The following FBN3 variants were observed in gnomAD, a reference collection of about 807,000 sequenced individuals.
FBN3 encodes the protein fibrillin-3.
Under a neutral mutation model 330.1 loss-of-function variants are expected in FBN3, and 234 were observed. The ratio of observed to expected loss-of-function variants is 0.71; its 90% CI spans 0.64 to 0.79. The LOEUF is 0.79. FBN3 is among the 30% of genes least tolerant of loss of function. The pLI, the probability that FBN3 is intolerant of heterozygous loss-of-function variation, is 0.00. For missense variants in FBN3, 3,606 were observed against 3,886.9 expected (o/e 0.93, Z 1.92); for synonymous variants, 1,458 against 1,517.3 (o/e 0.96, Z 0.91).
chr19:8,144,998 G>A (rs753426846), intron 5 of FBN3, 26 bp from the exon 6 acceptor site: 2 of 1,583,716 alleles, frequency 1.3e-6, no homozygotes, highest in African/African-American at 1.3e-5. Context: ...GGTGATGGCT[G>A]GAGGTCCCCC....
At position 8,101,803 on chromosome 19, in the gene FBN3, C is replaced by T. The variant is rs1219191557; in HGVS notation, c.5090-831G>A. On this transcript the variant is annotated intron_variant, in intron 40 of 63. Coordinates refer to ENST00000600128, the MANE Select transcript of FBN3 (RefSeq NM_032447.5). ...GTGAATCTTCAAGGGCCTTTCCCAC[C>T]AATGAAAACTCCATTGATCCATCCT... is the stretch of plus-strand genomic sequence containing the variant. Among the ~76,000 whole-genome samples, 3 of 152,218 alleles carry T rather than the reference C, an allele frequency of 2.0e-5. No homozygotes were observed. The East Asian group carries it at 5.8e-4, about 29-fold the overall frequency.
At position 8,147,405 on chromosome 19, in the gene FBN3, T is replaced by A. The variant is rs1462165917; in HGVS notation, c.76A>T (p.Met26Leu). Reference protein sequence around the residue: ...LLLAWSALLCMAGGQGRWDGA... With the variant: ...LLLAWSALLCLAGGQGRWDGA... Reference sequence around the variant, plus strand: ...TCCCAGCGGCCTTGGCCACCTGCCATGCACAACAGGGCCGACCAGGCCAGC... The same window carrying A: ...TCCCAGCGGCCTTGGCCACCTGCCAAGCACAACAGGGCCGACCAGGCCAGC... The change falls in exon 2 of 64, where the codon ATG (methionine) becomes TTG (leucine). Residue 26 changes from methionine to leucine, a missense_variant. Physicochemically the swap from Met to Leu is conservative, Grantham distance 15. Transcript: ENST00000600128. 1 of 1,597,180 alleles carries A rather than the reference T, an allele frequency of 6.3e-7. No homozygotes were observed. The highest frequency in any genetic ancestry group is 8.5e-7 in the Non-Finnish European group (1 of 1,173,294).
At position 8,109,842 on chromosome 19, in the gene FBN3, C is replaced by T; in HGVS notation, c.4334-89G>A. The stretch of plus-strand genomic sequence containing the variant: ...TCATCCTGGGAAGCTACAGCCCTCG[C>T]TCAAGGTCAACTCCTGGGCACCAGA... On this transcript the variant is annotated intron_variant, in intron 34 of 63. Coordinates refer to ENST00000600128, the MANE Select transcript of FBN3 (RefSeq NM_032447.5). The surrounding 1 kb of genome is among the most constrained non-coding windows in gnomAD (Gnocchi z 5.2). The T allele has an allele frequency of 7.3e-7, 1 of 1,374,432 alleles. No homozygotes were observed. The highest frequency in any genetic ancestry group is 1.8e-5 in the South Asian group (1 of 55,904). The allele number at this position is 1,374,432 out of a possible 1,614,324, so 85.1% of individuals were successfully genotyped here. A position where few individuals can be genotyped will look rare whatever the true frequency, so the allele number is the denominator to read the frequency against.
chr19:8,131,831 T>C lies in FBN3; in HGVS notation c.1715-2A>G, dbSNP rs1299067473. On this transcript the variant is annotated splice_acceptor_variant, in intron 14 of 63. Transcript: ENST00000600128. LOFTEE classifies it high-confidence loss of function. The surrounding 1 kb of genome is among the most constrained non-coding windows in gnomAD (Gnocchi z 4.5). Reference sequence around the variant, plus strand: ...CGGGCGTCTGGCACTCGTCAATGTCTGCAGAAGCAGTGGCGGCACGGGGAT... The same window carrying C: ...CGGGCGTCTGGCACTCGTCAATGTCCGCAGAAGCAGTGGCGGCACGGGGAT... The C allele has an allele frequency of 6.3e-7, 1 of 1,581,508 alleles. No homozygotes were observed. The highest frequency in any genetic ancestry group is 1.3e-5 in the African/African-American group (1 of 74,492).
At chr19:8,087,612 T>G (rs1273334018) in intron 53 of FBN3, among the ~76,000 whole-genome samples, 17 of 142,086 alleles carry the variant, frequency 1.2e-4, no homozygotes, top group African/African-American at 4.8e-4. Context: ...TTTTTTTTTT[T>G]TTTTTTTTTT....
intron 50 of FBN3, 47 bp from the exon 51 acceptor site, chr19:8,089,717 C>A: frequency 6.2e-7 from 1 of 1,607,394 alleles, no homozygotes; most frequent in Non-Finnish European, 8.5e-7. Context: ...ACCACACAAT[C>A]GCCAGAGCCC....
intron 31 of FBN3, 46 bp from the exon 32 acceptor site, chr19:8,111,816 T>C: frequency 6.3e-7 from 1 of 1,599,252 alleles, no homozygotes; most frequent in Non-Finnish European, 8.5e-7. Context: ...GTGTGTGCAT[T>C]GGGTGGGCGC....
At position 8,124,016 on chromosome 19, in the gene FBN3, G is replaced by A. The variant is rs780056187; in HGVS notation, c.2732-8C>T. On this transcript the variant is annotated splice_region_variant and splice_polypyrimidine_tract_variant and intron_variant, in intron 22 of 63. Transcript: ENST00000600128. Reference sequence around the variant, plus strand: ...ATGGTTCCAATCTCACATCTGCACGGGGGACAGTCACTGCGTCCCCACCCC... The same window carrying A: ...ATGGTTCCAATCTCACATCTGCACGAGGGACAGTCACTGCGTCCCCACCCC... 1 of 1,610,126 alleles carries A rather than the reference G, an allele frequency of 6.2e-7. No individual in the cohort carries two copies. Among genetic ancestry groups the A allele is most frequent in the Admixed American group, 1.7e-5 (1 of 59,582 alleles).
chr19:8,089,743 C>T, intron 50 of FBN3, 73 bp from the exon 51 acceptor site: 2 of 1,588,310 alleles, frequency 1.3e-6, no homozygotes, highest in Non-Finnish European at 1.7e-6. Flanking sequence ...ACACTCAAGG[C>T]CCCAAGGGGA....
Position 8,109,329 on chromosome 19 carries a change from A to C in FBN3, c.4516T>G (p.Cys1506Gly). The change falls in exon 36 of 64, where the codon TGC (cysteine) becomes GGC (glycine). Residue 1506 changes from cysteine to glycine, a missense_variant. By Grantham distance (159) the Cys-to-Gly change is radical (BLOSUM62 -3). Transcript: ENST00000600128. The surrounding 1 kb of genome is among the most constrained non-coding windows in gnomAD (Gnocchi z 5.2). Reference protein sequence around the residue: ...THDRGDSGISCSAEIGVGVTR... With the variant: ...THDRGDSGISGSAEIGVGVTR... ...ACACCAACTCCGATCTCGGCACTGC[A>C]GGAAATGCCACTGTCCCCTCGGTCA... The C allele has an allele frequency of 6.2e-7, 1 of 1,614,174 alleles. No individual in the cohort carries two copies. The highest frequency in any genetic ancestry group is 8.5e-7 in the Non-Finnish European group (1 of 1,180,032).
rs1434068871 is a variant in FBN3, at chr19:8,065,740, C to T, written c.*179G>A. The T allele has an allele frequency of 3.3e-6, 2 of 598,360 alleles. No homozygotes were observed. Among genetic ancestry groups the T allele is most frequent in the Non-Finnish European group, 5.8e-6 (2 of 347,690 alleles). The allele number at this position is 598,360 out of a possible 1,614,324, so 37.1% of individuals were successfully genotyped here. ...GAAAGACTGAGTAACTGGGGGGCCC[C>T]CGGGGCTGGCACAGAGGCCCAGGCA... On this transcript the variant is annotated 3_prime_UTR_variant, in exon 64 of 64. Coordinates refer to ENST00000600128, the MANE Select transcript of FBN3 (RefSeq NM_032447.5).
At chr19:8,119,378 T>G (rs1371009045) in intron 25 of FBN3, among the ~76,000 whole-genome samples, 4 of 152,158 alleles carry the variant, frequency 2.6e-5, no homozygotes, top group African/African-American at 7.2e-5. Context: ...GCAGGCAGCC[T>G]CGCCATGGCC....
In FBN3 at chr19:8,126,813, G is replaced by A. The variant is rs776447825; in HGVS notation, c.2316C>T (p.Ser772=). The A allele has an allele frequency of 1.3e-6, 2 of 1,572,620 alleles. No individual in the cohort carries two copies. Among genetic ancestry groups the A allele is most frequent in the South Asian group, 2.4e-5 (2 of 84,256 alleles). The change falls in exon 19 of 64, where the codon TCC becomes TCT. Residue 772 remains serine (S), a synonymous_variant. Coordinates refer to ENST00000600128, the MANE Select transcript of FBN3 (RefSeq NM_032447.5). ...GACAGACGCCACTCACACACGGGCTGGACAGGCATTCGTCGACATCTGTGG... is the reference window on the plus strand; with the variant it reads ...GACAGACGCCACTCACACACGGGCTAGACAGGCATTCGTCGACATCTGTGG... The part of the protein sequence containing the change: ...EICKDVDECL[S]SPCVSGVCRN...
At chr19:8,085,066 G>A (rs534217330) in intron 56 of FBN3, among the ~76,000 whole-genome samples, 12 of 152,222 alleles carry the variant, frequency 7.9e-5, no homozygotes, top group Admixed American at 2.0e-4. Flanking sequence ...AGTGAGCTGA[G>A]ATTGCACCAC....
At chr19:8,135,089 C>T (rs1044169465) in intron 13 of FBN3, among the ~76,000 whole-genome samples, 1 of 151,626 alleles carries the variant, frequency 6.6e-6, no homozygotes, top group Non-Finnish European at 1.5e-5. Flanking sequence ...AGTGATCCTC[C>T]TGCCTCAGCC....
rs142010244 is a variant in FBN3 at position 8,097,806 on chromosome 19, C to T, written c.5162-392G>A. ...TCTGTACCATGGAATATTCTTCAGC[C>T]TTATTAAGGAGTAAAGCCCTGTAAC... On this transcript the variant is annotated intron_variant, in intron 41 of 63. Coordinates refer to ENST00000600128, the MANE Select transcript of FBN3 (RefSeq NM_032447.5). Among the ~76,000 whole-genome samples the T allele has an allele frequency of 5.1e-4, 77 of 152,284 alleles. 1 individual carries two copies. Among genetic ancestry groups the T allele is most frequent in the African/African-American group, 1.8e-3 (76 of 41,554 alleles).
chr19:8,095,445 G>GT lies in FBN3; in HGVS notation c.5714dup (p.Asn1905LysfsTer15), dbSNP rs773303809. ...AGAGGCAGTGGAAGGAACCAGCTGT[G>GT]TTGAGGCAATGGCCAAATCGGCACA... On this transcript the variant is annotated frameshift_variant, in exon 46 of 64. Coordinates refer to ENST00000600128, the MANE Select transcript of FBN3 (RefSeq NM_032447.5). LOFTEE classifies it high-confidence loss of function. 7.4e-6 allele frequency: 12 copies of GT among 1,613,776 alleles called. No homozygotes were observed. The highest frequency in any genetic ancestry group is 1.0e-5 in the Non-Finnish European group (12 of 1,179,798).
intron 51 of FBN3, 120 bp from the exon 52 acceptor site, chr19:8,088,299 G>T: frequency 8.0e-7 from 1 of 1,243,162 alleles, no homozygotes; most frequent in Non-Finnish European, 1.1e-6. Flanking sequence ...TGCACCTCTA[G>T]TCTGGCTATG....
chr19:8,144,861 C>T lies in FBN3; in HGVS notation c.541+16G>A, dbSNP rs770690194. 26 of 1,579,472 alleles carry T rather than the reference C, an allele frequency of 1.6e-5. No homozygotes were observed. Among genetic ancestry groups the T allele is most frequent in the South Asian group, 9.2e-5 (8 of 86,678 alleles). On this transcript the variant is annotated intron_variant, in intron 6 of 63. Coordinates refer to ENST00000600128, the MANE Select transcript of FBN3 (RefSeq NM_032447.5). ...TCGAGTCCCCTGTCTACCTCCCACC[C>T]GCGCATGCTTGGTACCTCTCTCACA...
Sources: allele counts gnomAD v4.1 joint callset (sites outside exome capture counted in the v4.1 genomes callset), GRCh38; gene constraint gnomAD v4.1.1; non-coding constraint Gnocchi (gnomAD v3.1); transcripts MANE v1.5; gene names NCBI Gene and HGNC (gene_info 2026-07-23, HGNC 2026-07-21).